The following ATXN7 variants were observed in gnomAD, a reference collection of about 807,000 sequenced individuals.
The protein encoded by ATXN7 is ataxin-7.
Under a neutral mutation model 70.5 loss-of-function variants are expected in ATXN7, and 12 were observed. That is an observed-to-expected ratio of 0.17 (90% CI 0.11 to 0.28). The LOEUF (loss-of-function observed/expected upper bound fraction) is 0.28. ATXN7 is among the 10% of genes least tolerant of loss of function. The pLI is 1.00. For missense variants in ATXN7, 1,256 were observed against 1,131.7 expected, an observed-to-expected ratio of 1.11 and a Z score of -1.58; for synonymous variants, 498 against 448.7, an observed-to-expected ratio of 1.11 and a Z score of -1.39.
At chr3:63,978,515 A>T (rs1344190339) in intron 5 of ATXN7, among the ~76,000 whole-genome samples, 1 of 152,208 alleles carries the variant, frequency 6.6e-6, no homozygotes, top group African/African-American at 2.4e-5. Context: ...AGAAAAACTA[A>T]ATTTAAAAAC....
At chr3:63,959,532 GTTA>G (rs1228794095) in intron 5 of ATXN7, among the ~76,000 whole-genome samples, 1 of 152,104 alleles carries the variant, frequency 6.6e-6, no homozygotes, top group African/African-American at 2.4e-5. Context: ...GTCATTTATT[GTTA>G]TTAATATTAG....
In ATXN7 at chr3:63,990,228, C is replaced by G; in HGVS notation, c.1414C>G (p.Pro472Ala). Residue 472 changes from proline to alanine, a missense_variant, in exon 10 of 13, where the codon CCA becomes GCA. Pro to Ala is a conservative substitution (Grantham distance 27, BLOSUM62 -1). Transcript: ENST00000674280. Reference sequence around the variant, plus strand: ...TGGGAGTGCCCCCATTGACCCTCCTCCAGTCCATGAATCTCCACACCCTCC... The same window carrying G: ...TGGGAGTGCCCCCATTGACCCTCCTGCAGTCCATGAATCTCCACACCCTCC... ...QGGSAPIDPPPVHESPHPPLP... is the reference protein window; with the variant it reads ...QGGSAPIDPPAVHESPHPPLP... 6.2e-7 allele frequency: 1 copy of G among 1,613,958 alleles called. No individual in the cohort carries two copies.
intron 6 of ATXN7, among the ~76,000 whole-genome samples, chr3:63,981,003 A>C (rs1402650566): frequency 6.6e-6 from 1 of 152,200 alleles, no homozygotes; most frequent in Non-Finnish European, 1.5e-5. Flanking sequence ...CAATAGGAAC[A>C]TGCTTCGCCT....
chr3:63,898,464 G>A lies in ATXN7; in HGVS notation c.-45G>A, dbSNP rs1703512669. 6.6e-6 allele frequency: 1 copy of A among 152,170 alleles called. No homozygotes were observed. The highest frequency in any genetic ancestry group is 2.4e-5 in the African/African-American group (1 of 41,452). The allele number at this position is 152,170 out of a possible 1,614,324, so 9.4% of individuals were successfully genotyped here. Reference sequence around the variant, plus strand: ...GCAGATGAAGATCCATTGGTAAATTGATCAGGATTTTTGGCCTACCCTCCA... The same window carrying A: ...GCAGATGAAGATCCATTGGTAAATTAATCAGGATTTTTGGCCTACCCTCCA... On this transcript the variant is annotated 5_prime_UTR_variant, in exon 2 of 13. Coordinates refer to ENST00000674280, the MANE Select transcript of ATXN7 (RefSeq NM_001377405.1).
chr3:63,883,836 T>G (rs1028998355), intron 1 of ATXN7, among the ~76,000 whole-genome samples: 3 of 151,908 alleles, frequency 2.0e-5, no homozygotes, highest in Non-Finnish European at 4.4e-5. Context: ...TCTTCTTGTT[T>G]CCCCCAACAA....
At chr3:63,937,114 C>T (rs1292289662) in intron 4 of ATXN7, among the ~76,000 whole-genome samples, 6 of 152,038 alleles carry the variant, frequency 3.9e-5, no homozygotes, top group Admixed American at 2.0e-4. Context: ...GATGGGGGTA[C>T]GAATTAATTA....
chr3:63,863,393 C>G, upstream of ATXN7: 1 of 1,021,664 alleles, frequency 9.8e-7, no homozygotes, highest in Non-Finnish European at 1.2e-6. Flanking sequence ...GTCCTCACCG[C>G]GCCCCTAGAC....
At chr3:63,865,619 C>T (rs188880889) in intron 1 of ATXN7, among the ~76,000 whole-genome samples, 2,959 of 152,094 alleles carry the variant, frequency 0.019, 32 homozygotes, top group Non-Finnish European at 0.031. Context: ...CGGCCGGGCG[C>T]GGTGGCTCAC....
intron 5 of ATXN7, among the ~76,000 whole-genome samples, chr3:63,962,058 G>A (rs1405113053): frequency 1.3e-5 from 2 of 152,040 alleles, no homozygotes; most frequent in East Asian, 3.9e-4. Context: ...TACCTGACTG[G>A]AATAATTCCT....
chr3:63,967,119 G>A (rs919142749), intron 5 of ATXN7, among the ~76,000 whole-genome samples: 3 of 152,158 alleles, frequency 2.0e-5, no homozygotes, highest in African/African-American at 7.2e-5. Flanking sequence ...TCATTTGACA[G>A]TAGATTTGTT....
At chr3:63,895,681 C>A (rs1295045728) in intron 1 of ATXN7, among the ~76,000 whole-genome samples, 6 of 152,116 alleles carry the variant, frequency 3.9e-5, no homozygotes, top group Non-Finnish European at 7.4e-5. Flanking sequence ...CACTCCCAGG[C>A]AGAGATTCTC....
chr3:63,986,220 C>T (rs1318902313), intron 8 of ATXN7, among the ~76,000 whole-genome samples: 3 of 152,100 alleles, frequency 2.0e-5, no homozygotes, highest in African/African-American at 7.2e-5. Context: ...AGAAGAGGTA[C>T]GCGGGACCAA....
chr3:63,945,550 T>A (rs1386208221), intron 4 of ATXN7, among the ~76,000 whole-genome samples: 1 of 152,220 alleles, frequency 6.6e-6, no homozygotes, highest in East Asian at 1.9e-4. Context: ...AATTATAACC[T>A]TCTGACTTAC....
chr3:63,945,512 C>T (rs763054042), intron 4 of ATXN7, among the ~76,000 whole-genome samples: 31 of 152,194 alleles, frequency 2.0e-4, no homozygotes, highest in Non-Finnish European at 4.0e-4. Flanking sequence ...AGATGATGAC[C>T]ATGTGTCACT....
chr3:63,937,706 G>C (rs2074687925), intron 4 of ATXN7, among the ~76,000 whole-genome samples: 1 of 152,166 alleles, frequency 6.6e-6, no homozygotes, highest in East Asian at 1.9e-4. Context: ...AAGGAATGAA[G>C]CTTTGTAACC....
In ATXN7 at chr3:63,890,991, A is replaced by T. The variant is rs1012354686; in HGVS notation, c.-110-7408A>T. ...TGTGGCACCCAACATTTCTTTTTTTATTTTATTTTATTTTATTTTATTTAT... is the reference window on the plus strand; with the variant it reads ...TGTGGCACCCAACATTTCTTTTTTTTTTTTATTTTATTTTATTTTATTTAT... On this transcript the variant is annotated intron_variant, in intron 1 of 12. Transcript: ENST00000674280. Among the ~76,000 whole-genome samples the T allele has an allele frequency of 2.6e-5, 4 of 151,586 alleles. No individual in the cohort carries two copies. The South Asian group carries it at 6.2e-4, about 24-fold the overall frequency.
At chr3:63,941,453 G>C (rs1416387539) in intron 4 of ATXN7, among the ~76,000 whole-genome samples, 2 of 152,148 alleles carry the variant, frequency 1.3e-5, no homozygotes, top group Non-Finnish European at 2.9e-5. Context: ...TGTGCTCCTA[G>C]AATCTAACTA....
chr3:63,993,617 T>A (rs906210722), intron 11 of ATXN7, among the ~76,000 whole-genome samples: 5 of 152,238 alleles, frequency 3.3e-5, no homozygotes, highest in African/African-American at 1.2e-4. Context: ...TGAGTACATA[T>A]TGTTACTTTG....
chr3:63,926,918 T>C (rs961446096), intron 4 of ATXN7, among the ~76,000 whole-genome samples: 14 of 152,190 alleles, frequency 9.2e-5, no homozygotes, highest in African/African-American at 3.1e-4. Context: ...ATGCGGTGTT[T>C]GGTTTTCTGT....
Sources: gnomAD v4.1 joint callset for allele counts (sites outside exome capture counted in the v4.1 genomes callset) on GRCh38, gnomAD v4.1.1 for gene constraint, MANE v1.5 for transcripts, NCBI Gene and HGNC (gene_info 2026-07-23, HGNC 2026-07-21) for gene names.